Variants in ATP6V0E1 observed in about 807,000 individuals in gnomAD.
ATP6V0E1 encodes V-type proton ATPase subunit e 1.
Under a neutral mutation model 11.6 loss-of-function variants are expected in ATP6V0E1, and 4 were observed. That is an observed-to-expected ratio of 0.35 (90% CI 0.17 to 0.79). The LOEUF (loss-of-function observed/expected upper bound fraction) is 0.79. Among genes scored for constraint, ATP6V0E1 ranks in the 30% least tolerant of loss-of-function variants. The pLI, the probability that ATP6V0E1 is intolerant of heterozygous loss-of-function variation, is 0.54. For missense variants in ATP6V0E1, 105 were observed against 100.0 expected (o/e 1.05, Z -0.21); for synonymous variants, 36 against 34.8 (o/e 1.04, Z -0.13).
intron 2 of ATP6V0E1, among the ~76,000 whole-genome samples, chr5:172,996,098 A>G (rs886850168): frequency 2.0e-5 from 3 of 152,140 alleles, no homozygotes; most frequent in Non-Finnish European, 2.9e-5. Flanking sequence ...TTTTTTTTCC[A>G]GAAACATTTT....
intron 1 of ATP6V0E1, among the ~76,000 whole-genome samples, chr5:172,984,850 A>T: frequency 6.6e-6 from 1 of 152,220 alleles, no homozygotes; most frequent in East Asian, 1.9e-4. Flanking sequence ...TCTTGAACCT[A>T]ATTGGTGGCT....
chr5:172,984,476 G>A (rs576035939), intron 1 of ATP6V0E1, among the ~76,000 whole-genome samples: 1 of 152,314 alleles, frequency 6.6e-6, no homozygotes, highest in Admixed American at 6.5e-5. Flanking sequence ...GCCAGGAGGC[G>A]GTTGGGGCCT....
In ATP6V0E1 at chr5:173,020,374, A is replaced by C; in HGVS notation, c.*36+7A>C. 1 of 1,478,928 alleles carries C rather than the reference A, an allele frequency of 6.8e-7. No homozygotes were observed. The highest frequency in any genetic ancestry group is 2.3e-5 in the East Asian group (1 of 43,828). The allele number at this position is 1,478,928 out of a possible 1,614,324, so 91.6% of individuals were successfully genotyped here. On this transcript the variant is annotated splice_region_variant and intron_variant, in intron 3 of 3. Transcript: ENST00000519374. Reference sequence around the variant, plus strand: ...ACAGTGCTCAGTCTTTGAGGTGACTATGCTTGTGACCTTTCTTATCAGTAT... The same window carrying C: ...ACAGTGCTCAGTCTTTGAGGTGACTCTGCTTGTGACCTTTCTTATCAGTAT...
chr5:172,983,857 GA>G lies in ATP6V0E1; in HGVS notation c.-3del. 1.2e-6 allele frequency: 2 copies of G among 1,613,672 alleles called. No homozygotes were observed. The highest frequency in any genetic ancestry group is 8.5e-7 in the Non-Finnish European group (1 of 1,179,746). On this transcript the variant is annotated 5_prime_UTR_variant, in exon 1 of 4. Transcript: ENST00000519374. Reference sequence around the variant, plus strand: ...GGGTAGGGGTTGGCGCTCAGGCGGCGACCATGGCGTATCACGGCCTCACTGT... The same window carrying G: ...GGGTAGGGGTTGGCGCTCAGGCGGCGCCATGGCGTATCACGGCCTCACTGT...
chr5:172,999,084 C>T (rs1254889153), intron 2 of ATP6V0E1, among the ~76,000 whole-genome samples: 5 of 151,948 alleles, frequency 3.3e-5, no homozygotes, highest in Admixed American at 2.6e-4. Context: ...TGCAGTGAGC[C>T]GAGATTGTGC....
intron 2 of ATP6V0E1, among the ~76,000 whole-genome samples, chr5:173,017,840 CAAAAAAAAAAAA>C (rs538210275): frequency 6.0e-5 from 4 of 66,574 alleles, no homozygotes; most frequent in Admixed American, 3.6e-4. Context: ...GACTCCTTCT[CAAAAAAAAAAAA>C]AAAAAAAAGA....
intron 2 of ATP6V0E1, among the ~76,000 whole-genome samples, chr5:173,016,081 C>G (rs1756395630): frequency 6.6e-6 from 1 of 152,120 alleles, no homozygotes; most frequent in African/African-American, 2.4e-5. Flanking sequence ...GCGAGCTGCT[C>G]TAGTAGATTA....
chr5:173,034,554 C>T lies in ATP6V0E1; in HGVS notation c.*192C>T. The T allele has an allele frequency of 1.5e-6, 1 of 674,278 alleles. No individual in the cohort carries two copies. Among genetic ancestry groups the T allele is most frequent in the South Asian group, 1.5e-5 (1 of 65,240 alleles). The allele number at this position is 674,278 out of a possible 1,614,324, so 41.8% of individuals were successfully genotyped here. A position where few individuals can be genotyped will look rare whatever the true frequency, so the allele number is the denominator to read the frequency against. Reference sequence around the variant, plus strand: ...AGCGTGTTTTCCTTTGCCTTTTTTGCACTTTGGTGAATTACGTGCCTCCAT... The same window carrying T: ...AGCGTGTTTTCCTTTGCCTTTTTTGTACTTTGGTGAATTACGTGCCTCCAT... On this transcript the variant is annotated 3_prime_UTR_variant, in exon 4 of 4. Coordinates refer to ENST00000519374, the MANE Select transcript of ATP6V0E1 (RefSeq NM_003945.4).
chr5:173,029,566 C>A (rs1308773641), intron 3 of ATP6V0E1, among the ~76,000 whole-genome samples: 1 of 152,048 alleles, frequency 6.6e-6, no homozygotes, highest in Non-Finnish European at 1.5e-5. Context: ...TACAGAATAC[C>A]ACCCTGTTTA....
chr5:173,006,155 C>T (rs1430931558), intron 2 of ATP6V0E1, among the ~76,000 whole-genome samples: 1 of 151,918 alleles, frequency 6.6e-6, no homozygotes, highest in Non-Finnish European at 1.5e-5. Flanking sequence ...TTTTTATCTA[C>T]TACTTTTAAT....
intron 3 of ATP6V0E1, among the ~76,000 whole-genome samples, chr5:173,022,647 T>C (rs1035037633): frequency 6.6e-6 from 1 of 151,928 alleles, no homozygotes; most frequent in African/African-American, 2.4e-5. Context: ...ACCCTAACTT[T>C]TTTGTTTTTG....
intron 2 of ATP6V0E1, among the ~76,000 whole-genome samples, chr5:173,004,630 TG>T (rs1183786625): frequency 2.0e-5 from 3 of 152,140 alleles, no homozygotes; most frequent in Non-Finnish European, 2.9e-5. Context: ...TCATAATAGA[TG>T]GTCCTGGGAG....
intron 2 of ATP6V0E1, among the ~76,000 whole-genome samples, chr5:173,011,229 T>G (rs1363536182): frequency 6.7e-6 from 1 of 148,382 alleles, no homozygotes; most frequent in East Asian, 2.0e-4. Context: ...TTGCCCAGGC[T>G]AGAGTGCAGT....
chr5:173,002,356 T>C (rs540353024), intron 2 of ATP6V0E1, among the ~76,000 whole-genome samples: 2 of 152,210 alleles, frequency 1.3e-5, no homozygotes, highest in Non-Finnish European at 2.9e-5. Flanking sequence ...GGTGAATGTC[T>C]CTCAAATTTC....
chr5:173,033,916 G>A (rs898135029), intron 3 of ATP6V0E1, among the ~76,000 whole-genome samples: 1 of 152,074 alleles, frequency 6.6e-6, no homozygotes, highest in African/African-American at 2.4e-5. Context: ...AAAGAAAAGT[G>A]TCATTTGTCA....
At chr5:173,012,582 A>G (rs1756344381) in intron 2 of ATP6V0E1, among the ~76,000 whole-genome samples, 1 of 151,534 alleles carries the variant, frequency 6.6e-6, no homozygotes, top group South Asian at 2.1e-4. Flanking sequence ...CAGAAACCCC[A>G]TCTCTACTAA....
chr5:173,018,159 T>C (rs1179981927), intron 2 of ATP6V0E1, among the ~76,000 whole-genome samples: 1 of 152,184 alleles, frequency 6.6e-6, no homozygotes, highest in Non-Finnish European at 1.5e-5. Flanking sequence ...GATCAGGAGC[T>C]TTACCAATAA....
intron 2 of ATP6V0E1, among the ~76,000 whole-genome samples, chr5:173,013,728 A>C (rs1233056095): frequency 1.3e-5 from 2 of 152,160 alleles, no homozygotes; most frequent in Non-Finnish European, 2.9e-5. Flanking sequence ...GACAAAGGAC[A>C]TGACTAGATA....
chr5:173,020,635 C>A (rs74759042), intron 3 of ATP6V0E1: 2 of 532,812 alleles, frequency 3.8e-6, no homozygotes, highest in East Asian at 4.7e-5. Flanking sequence ...CTCTTTCAGA[C>A]GCAGATCAAA....
Sources: allele counts gnomAD v4.1 joint callset (sites outside exome capture counted in the v4.1 genomes callset), GRCh38; gene constraint gnomAD v4.1.1; transcripts MANE v1.5; gene names NCBI Gene and HGNC (gene_info 2026-07-23, HGNC 2026-07-21).